The following KIF13A variants were observed in gnomAD, a reference collection of about 807,000 sequenced individuals.
KIF13A encodes the protein kinesin-like protein KIF13A.
A neutral mutation model predicts 212.2 loss-of-function variants in KIF13A; 79 were observed. That is an observed-to-expected ratio of 0.37 (90% CI 0.31 to 0.45). The LOEUF is 0.45. KIF13A is among the 20% of genes least tolerant of loss of function. KIF13A has a pLI of 1.00. For missense variants in KIF13A, 1,901 were observed against 2,209.0 expected, an observed-to-expected ratio of 0.86 and a Z score of 2.79; for synonymous variants, 789 against 808.6, an observed-to-expected ratio of 0.98 and a Z score of 0.41.
chr6:17,972,737 G>T (rs1034867084), intron 2 of KIF13A, among the ~76,000 whole-genome samples: 1 of 150,818 alleles, frequency 6.6e-6, no homozygotes, highest in African/African-American at 2.4e-5. Context: ...TCTAGGGAGT[G>T]TCTCCCCAAG....
At chr6:17,830,771 G>A (rs1765376518) in intron 13 of KIF13A, among the ~76,000 whole-genome samples, 1 of 152,234 alleles carries the variant, frequency 6.6e-6, no homozygotes, top group Middle Eastern at 3.4e-3. Context: ...CAGGAGCTTT[G>A]TGGAAGAACA....
At position 17,816,623 on chromosome 6, in the gene KIF13A, T is replaced by A. The variant is rs1763978662; in HGVS notation, c.2000+397A>T. Among the ~76,000 whole-genome samples, 1 of 152,168 alleles carries A rather than the reference T, an allele frequency of 6.6e-6. No homozygotes were observed. The highest frequency in any genetic ancestry group is 1.9e-4 in the East Asian group (1 of 5,182). On this transcript the variant is annotated intron_variant, in intron 17 of 38. Coordinates refer to ENST00000259711, the MANE Select transcript of KIF13A (RefSeq NM_022113.6). The surrounding 1 kb of genome is among the most constrained non-coding windows in gnomAD (Gnocchi z 4.3). The stretch of plus-strand genomic sequence containing the variant: ...GTGAGCCACTGCACCCAGCTATAAA[T>A]CTTAAACTTTCACATTTAGTAGATT...
chr6:17,967,564 G>A lies in KIF13A; in HGVS notation c.146+19490C>T, dbSNP rs913415942. On this transcript the variant is annotated intron_variant, in intron 2 of 38. Coordinates refer to ENST00000259711, the MANE Select transcript of KIF13A (RefSeq NM_022113.6). This position sits in a 1 kb window ranked among gnomAD's most constrained non-coding sequence, Gnocchi z 4.1. ...CCGAAGTCTTTCTGGAAGACTGCAC[G>A]TGTCAGGAGCAGAGATGCCTGGTTA... Among the ~76,000 whole-genome samples, 7 of 152,214 alleles carry A rather than the reference G, an allele frequency of 4.6e-5. No individual in the cohort carries two copies. In the East Asian group the frequency reaches 5.8e-4, roughly 13 times the overall value.
At chr6:17,854,680 G>A (rs1346442935) in intron 6 of KIF13A, among the ~76,000 whole-genome samples, 1 of 145,312 alleles carries the variant, frequency 6.9e-6, no homozygotes, top group African/African-American at 2.5e-5. Context: ...AGCCTCTCAA[G>A]AAGCTGGGAT....
rs1771530847 is a variant in KIF13A at position 17,886,300 on chromosome 6, CACAGAGAGGAGA to C, written c.159+11856_159+11867del. Among the ~76,000 whole-genome samples the C allele has an allele frequency of 6.6e-6, 1 of 152,124 alleles. No homozygotes were observed. The highest frequency in any genetic ancestry group is 1.5e-5 in the Non-Finnish European group (1 of 68,038). ...CTGCACCATGCCAGGTACATAGAGC[CACAGAGAGGAGA>C]ATGCTAGGCTGACTCCATGGCCCCA... On this transcript the variant is annotated intron_variant, in intron 3 of 38. Coordinates refer to ENST00000259711, the MANE Select transcript of KIF13A (RefSeq NM_022113.6). This position sits in a 1 kb window ranked among gnomAD's most constrained non-coding sequence, Gnocchi z 5.6.
chr6:17,985,256 G>C lies in KIF13A; in HGVS notation c.146+1798C>G, dbSNP rs553111799. ...CCAGATAAGGGACTATCGTAAGTAA[G>C]CAGATGAATAGATCCCAAAATCACC... On this transcript the variant is annotated intron_variant, in intron 2 of 38. Transcript: ENST00000259711. Among the ~76,000 whole-genome samples, 3 of 152,278 alleles carry C rather than the reference G, an allele frequency of 2.0e-5. No homozygotes were observed. The East Asian group carries it at 5.8e-4, about 29-fold the overall frequency.
chr6:17,812,893 T>G (rs1005685721), intron 17 of KIF13A, among the ~76,000 whole-genome samples: 1 of 152,238 alleles, frequency 6.6e-6, no homozygotes, highest in Non-Finnish European at 1.5e-5. Context: ...AGATGGTATC[T>G]CATTGTGGTT....
chr6:17,793,324 C>T (rs1189585412), intron 25 of KIF13A, among the ~76,000 whole-genome samples: 1 of 151,926 alleles, frequency 6.6e-6, no homozygotes, highest in Non-Finnish European at 1.5e-5. Context: ...TCAAGTGATC[C>T]TCCCACCTCA....
In KIF13A at chr6:17,829,443, T is replaced by G. The variant is rs1170330060; in HGVS notation, c.1402-1073A>C. The stretch of plus-strand genomic sequence containing the variant: ...GGTTCTCAGAGACCCCAGATCACAC[T>G]TTTAGAACTGCTTGCTTACACTGCA... On this transcript the variant is annotated intron_variant, in intron 13 of 38. Transcript: ENST00000259711. The surrounding 1 kb of genome is among the most constrained non-coding windows in gnomAD (Gnocchi z 5.4). 6.6e-6 allele frequency among the ~76,000 whole-genome samples: 1 copy of G among 152,142 alleles called. No individual in the cohort carries two copies. Among genetic ancestry groups the G allele is most frequent in the Non-Finnish European group, 1.5e-5 (1 of 68,032 alleles).
At chr6:17,841,943 CTACA>C (rs1467685269) in intron 9 of KIF13A, among the ~76,000 whole-genome samples, 7 of 148,814 alleles carry the variant, frequency 4.7e-5, no homozygotes, top group African/African-American at 1.5e-4. Context: ...GTTTGTGTGT[CTACA>C]TACACACACA....
At chr6:17,821,887 C>T (rs1469147541) in intron 16 of KIF13A, 1 of 1,535,338 alleles carries the variant, frequency 6.5e-7, no homozygotes, top group Admixed American at 2.0e-5. Flanking sequence ...GGCAGACAGG[C>T]TTATTATCGG....
chr6:17,956,591 C>T (rs58780926), intron 2 of KIF13A, among the ~76,000 whole-genome samples: 1,668 of 152,288 alleles, frequency 0.011, 24 homozygotes, highest in African/African-American at 0.038. Flanking sequence ...GGTTTTTGTC[C>T]ATGGTTCCTG....
chr6:17,797,528 A>G (rs1267307634), intron 22 of KIF13A, among the ~76,000 whole-genome samples: 3 of 152,148 alleles, frequency 2.0e-5, no homozygotes, highest in African/African-American at 7.2e-5. Flanking sequence ...TAATAACAGA[A>G]TTAAATTTTA....
rs1356485498 is a variant in KIF13A, at chr6:17,850,157, A to C, written c.717+166T>G. Reference sequence around the variant, plus strand: ...CCAATTTTTTAAAAAGTCAAATATAAAGAAAGACCTAACAAATTAAATGAT... The same window carrying C: ...CCAATTTTTTAAAAAGTCAAATATACAGAAAGACCTAACAAATTAAATGAT... On this transcript the variant is annotated intron_variant, in intron 8 of 38. Transcript: ENST00000259711. The surrounding 1 kb of genome is among the most constrained non-coding windows in gnomAD (Gnocchi z 6.2). 1.3e-5 allele frequency among the ~76,000 whole-genome samples: 2 copies of C among 152,152 alleles called. No individual in the cohort carries two copies. The highest frequency in any genetic ancestry group is 4.8e-5 in the African/African-American group (2 of 41,430).
At position 17,934,147 on chromosome 6, in the gene KIF13A, A is replaced by G. The variant is rs1776251152; in HGVS notation, c.147-35967T>C. ...ATAAAAAGACAAGCATTTTCATAAAAACCAGGACACAGTTTCTTCGTAATT... is the reference window on the plus strand; with the variant it reads ...ATAAAAAGACAAGCATTTTCATAAAGACCAGGACACAGTTTCTTCGTAATT... On this transcript the variant is annotated intron_variant, in intron 2 of 38. Transcript: ENST00000259711. The surrounding 1 kb of genome is among the most constrained non-coding windows in gnomAD (Gnocchi z 5.4). Among the ~76,000 whole-genome samples, 1 of 152,174 alleles carries G rather than the reference A, an allele frequency of 6.6e-6. No individual in the cohort carries two copies. The highest frequency in any genetic ancestry group is 1.5e-5 in the Non-Finnish European group (1 of 68,042).
At chr6:17,814,955 C>T (rs375399382) in intron 17 of KIF13A, among the ~76,000 whole-genome samples, 3 of 152,158 alleles carry the variant, frequency 2.0e-5, no homozygotes, top group Non-Finnish European at 4.4e-5. Flanking sequence ...GCCCGGGGGA[C>T]CACTACCACC....
At chr6:17,935,474 C>T (rs1035743910) in intron 2 of KIF13A, among the ~76,000 whole-genome samples, 1 of 152,170 alleles carries the variant, frequency 6.6e-6, no homozygotes, top group Non-Finnish European at 1.5e-5. Flanking sequence ...GCCAAGTGAT[C>T]AGAAGCTCAG....
At chr6:17,790,083 T>C (rs964940269) in intron 25 of KIF13A, among the ~76,000 whole-genome samples, 173 bp from the exon 26 acceptor site, 1 of 152,206 alleles carries the variant, frequency 6.6e-6, no homozygotes, top group Non-Finnish European at 1.5e-5. Context: ...TTCACTTGTC[T>C]ATAAAGAATT....
Position 17,963,462 on chromosome 6 carries a change from A to T in KIF13A, c.146+23592T>A, listed in dbSNP as rs1313333981. ...AAAATAGAAGAGCATCATGTGAAGT[A>T]ACATGGATAGATAAGGTCTTACAAT... On this transcript the variant is annotated intron_variant, in intron 2 of 38. Coordinates refer to ENST00000259711, the MANE Select transcript of KIF13A (RefSeq NM_022113.6). The surrounding 1 kb of genome is among the most constrained non-coding windows in gnomAD (Gnocchi z 4.1). 1.3e-5 allele frequency among the ~76,000 whole-genome samples: 2 copies of T among 152,350 alleles called. No individual in the cohort carries two copies. The highest frequency in any genetic ancestry group is 2.1e-4 in the South Asian group (1 of 4,832).
Sources: allele counts gnomAD v4.1 joint callset (sites outside exome capture counted in the v4.1 genomes callset), GRCh38; gene constraint gnomAD v4.1.1; non-coding constraint Gnocchi (gnomAD v3.1); transcripts MANE v1.5; gene names NCBI Gene and HGNC (gene_info 2026-07-23, HGNC 2026-07-21).